The following PLCG2 variants were observed in gnomAD, a reference collection of about 807,000 sequenced individuals.
The protein encoded by PLCG2 is 1-phosphatidylinositol 4,5-bisphosphate phosphodiesterase gamma-2.
In PLCG2, 69 loss-of-function variants were observed where a neutral mutation model predicts 175.6. The ratio of observed to expected loss-of-function variants is 0.39; its 90% CI spans 0.32 to 0.48. PLCG2 has a LOEUF of 0.48. Among genes scored for constraint, PLCG2 ranks in the 20% least tolerant of loss-of-function variants. PLCG2 has a pLI of 0.91. For synonymous variants in PLCG2, 827 were observed against 624.0 expected (o/e 1.33, Z -4.85); for missense variants, 1,798 against 1,650.9 (o/e 1.09, Z -1.54).
chr16:81,792,371 A>G (rs774767053), intron 2 of PLCG2, among the ~76,000 whole-genome samples: 3 of 150,416 alleles, frequency 2.0e-5, no homozygotes, highest in Non-Finnish European at 3.0e-5. Flanking sequence ...AGTCCCAGCT[A>G]CTTGGGAGGC....
chr16:81,916,848 G>C (rs555238482), intron 19 of PLCG2, among the ~76,000 whole-genome samples: 13 of 152,258 alleles, frequency 8.5e-5, no homozygotes, highest in African/African-American at 2.9e-4. Context: ...ATGTTGGCCA[G>C]GCTGGTATCG....
intron 2 of PLCG2, among the ~76,000 whole-genome samples, chr16:81,756,537 A>G (rs1909932859): frequency 6.6e-6 from 1 of 152,206 alleles, no homozygotes; most frequent in African/African-American, 2.4e-5. Context: ...ATCTGAAACC[A>G]GAGCTTATGA....
intron 28 of PLCG2, chr16:81,938,419 A>C (rs903965600): frequency 4.2e-6 from 1 of 238,128 alleles, no homozygotes; most frequent in African/African-American, 2.2e-5. Context: ...CAGGCCTTTA[A>C]ATAAACAGCA....
In PLCG2 at chr16:81,921,153, C is replaced by T. The variant is rs1193798885; in HGVS notation, c.2236-45C>T. The T allele has an allele frequency of 9.9e-6, 12 of 1,210,642 alleles. No homozygotes were observed. In the Admixed American group the frequency reaches 2.0e-4, roughly 21 times the overall value. The allele number at this position is 1,210,642 out of a possible 1,614,324, so 75.0% of individuals were successfully genotyped here. On this transcript the variant is annotated intron_variant, in intron 20 of 32. Coordinates refer to ENST00000564138, the MANE Select transcript of PLCG2 (RefSeq NM_002661.5). Reference sequence around the variant, plus strand: ...CCCTTGTTATATGTAAGGGCTATTCCAGGAGCATGGATTATTCCATTTCTT... The same window carrying T: ...CCCTTGTTATATGTAAGGGCTATTCTAGGAGCATGGATTATTCCATTTCTT...
intron 1 of PLCG2, chr16:81,740,172 CAA>C (rs1909558438): frequency 1.4e-5 from 2 of 143,424 alleles, no homozygotes; most frequent in Non-Finnish European, 3.1e-5. Context: ...AGAAAAGAAA[CAA>C]AAAGAAAAGA....
intron 3 of PLCG2, among the ~76,000 whole-genome samples, chr16:81,857,695 C>T (rs12443578): frequency 0.31 from 46,654 of 151,968 alleles, 7,785 homozygotes; most frequent in South Asian, 0.38. Context: ...CTCATTACTT[C>T]ATCTAAACCT....
chr16:81,910,151 C>T (rs927914800), intron 17 of PLCG2, among the ~76,000 whole-genome samples: 9 of 152,044 alleles, frequency 5.9e-5, no homozygotes, highest in Non-Finnish European at 8.8e-5. Context: ...AGTGCAGTGG[C>T]GTGATCTCGG....
Position 81,854,529 on chromosome 16 carries a change from C to T in PLCG2, c.279C>T (p.Asp93=), listed in dbSNP as rs774342945. The change falls in exon 3 of 33, where the codon GAC becomes GAT. Residue 93 remains aspartate (D), a synonymous_variant. Transcript: ENST00000564138. ...ERAKAVRQKE[D]CCFTILYGTQ... is the part of the protein sequence containing the mutation. The stretch of plus-strand genomic sequence containing the variant: ...CAAAAGCAGTTCGCCAGAAAGAAGA[C>T]TGCTGCTTCACCATCCTATATGGCA... The T allele has an allele frequency of 3.7e-6, 6 of 1,613,884 alleles. No homozygotes were observed. Among genetic ancestry groups the T allele is most frequent in the Non-Finnish European group, 5.1e-6 (6 of 1,179,712 alleles).
chr16:81,831,433 C>T (rs1463788105), intron 2 of PLCG2, among the ~76,000 whole-genome samples: 2 of 152,216 alleles, frequency 1.3e-5, no homozygotes, highest in Admixed American at 6.5e-5. Context: ...CTGCACTAAG[C>T]ACTTGGCCAT....
At chr16:81,814,190 T>C (rs1297173739) in intron 2 of PLCG2, among the ~76,000 whole-genome samples, 2 of 152,134 alleles carry the variant, frequency 1.3e-5, no homozygotes, top group Admixed American at 1.3e-4. Context: ...CGGAGGGGAA[T>C]GGTACCGGGT....
chr16:81,916,491 A>T (rs1909847905), intron 19 of PLCG2, among the ~76,000 whole-genome samples: 1 of 152,146 alleles, frequency 6.6e-6, no homozygotes. Context: ...AAAGTTGTTT[A>T]TATGTATCAT....
rs1027869286 is a variant in PLCG2, at chr16:81,935,854, C to A, written c.2843-315C>A. The A allele has an allele frequency of 6.1e-6, 6 of 985,110 alleles. No individual in the cohort carries two copies. In the African/African-American group the frequency reaches 1.0e-4, roughly 17 times the overall value. 61.0% of individuals were successfully genotyped at this position (985,110 alleles called of 1,614,324 possible). On this transcript the variant is annotated intron_variant, in intron 26 of 32. Transcript: ENST00000564138. ...TCCTACCCAAAACCATTCCCATTCT[C>A]CCTCTTCTATAACTGTACCACTTTT...
At chr16:81,837,686 T>G (rs1298485509) in intron 2 of PLCG2, among the ~76,000 whole-genome samples, 4 of 140,844 alleles carry the variant, frequency 2.8e-5, no homozygotes, top group African/African-American at 7.7e-5. Context: ...CAACATGTGT[T>G]TTTTTTTTTT....
chr16:81,956,440 G>A (rs2143779838), intron 31 of PLCG2, among the ~76,000 whole-genome samples: 1 of 152,274 alleles, frequency 6.6e-6, no homozygotes, highest in South Asian at 2.1e-4. Flanking sequence ...AGGAAATGCA[G>A]TCATTATTTC....
chr16:81,771,857 C>T (rs988893970), intron 2 of PLCG2, among the ~76,000 whole-genome samples: 2 of 152,188 alleles, frequency 1.3e-5, no homozygotes, highest in Non-Finnish European at 2.9e-5. Flanking sequence ...GATCTCCGCT[C>T]ACTGCAACCT....
chr16:81,814,605 G>T (rs947474116), intron 2 of PLCG2, among the ~76,000 whole-genome samples: 1 of 152,106 alleles, frequency 6.6e-6, no homozygotes, highest in African/African-American at 2.4e-5. Flanking sequence ...TGAGGCAGGA[G>T]AATCACTTGA....
At chr16:81,954,557 C>G (rs1911491373) in intron 31 of PLCG2, among the ~76,000 whole-genome samples, 1 of 152,198 alleles carries the variant, frequency 6.6e-6, no homozygotes, top group South Asian at 2.1e-4. Context: ...CATTGTTCAA[C>G]TCCCACTTAT....
intron 14 of PLCG2, among the ~76,000 whole-genome samples, chr16:81,904,269 G>A (rs1265982139): frequency 6.6e-6 from 1 of 152,138 alleles, no homozygotes; most frequent in Non-Finnish European, 1.5e-5. Context: ...CCGATTTTAC[G>A]AGACAGATTA....
At position 81,870,915 on chromosome 16, in the gene PLCG2, A is replaced by T; in HGVS notation, c.628A>T (p.Met210Leu). The change falls in exon 7 of 33, where the codon ATG becomes TTG. Residue 210 changes from methionine (M) to leucine (L), a missense_variant. Physicochemically the swap from Met to Leu is conservative, Grantham distance 15. Transcript: ENST00000564138. ...GTTCCATCTCTTCTATAAAAAACTT[A>T]TGTTTGAACAGCAAAAATCGGTAAG... ...EQFHLFYKKL[M>L]FEQQKSILDE... 6.3e-7 allele frequency: 1 copy of T among 1,590,420 alleles called. No homozygotes were observed. The highest frequency in any genetic ancestry group is 8.6e-7 in the Non-Finnish European group (1 of 1,162,650).
Sources: allele counts gnomAD v4.1 joint callset (sites outside exome capture counted in the v4.1 genomes callset), GRCh38; gene constraint gnomAD v4.1.1; transcripts MANE v1.5; gene names NCBI Gene and HGNC (gene_info 2026-07-23, HGNC 2026-07-21).